SNX19: variants seen among roughly 807,000 people sequenced by gnomAD.
SNX19 encodes the protein sorting nexin-19.
SNX19 carries 60 observed loss-of-function variants against 85.2 expected under a neutral mutation model. The ratio of observed to expected loss-of-function variants is 0.70; its 90% CI spans 0.57 to 0.87. SNX19 has a LOEUF of 0.87. Among genes scored for constraint, SNX19 ranks in the 40% least tolerant of loss-of-function variants. The probability of loss-of-function intolerance (pLI) is 0.00; values close to 1 mark genes in which losing one functional copy is unlikely to be tolerated. For missense variants in SNX19, 1,201 were observed against 1,217.8 expected, an observed-to-expected ratio of 0.99 and a Z score of 0.21; for synonymous variants, 520 against 470.0, an observed-to-expected ratio of 1.11 and a Z score of -1.38.
chr11:130,915,651 G>A lies in SNX19; in HGVS notation c.289C>T (p.Gln97Ter), dbSNP rs759409436. Reference sequence around the variant, plus strand: ...GTGCGGTTGATCTCCCGTTCCAGCTGCCTTTCTGCCTCAGGGCATGGAGGA... The same window carrying A: ...GTGCGGTTGATCTCCCGTTCCAGCTACCTTTCTGCCTCAGGGCATGGAGGA... The part of the protein sequence containing the change: ...TCPPCPEAER[Q>*]LEREINRTIQ... Residue 97 changes from glutamine (Q) to a stop codon, truncating the protein, a stop_gained, in exon 1 of 11, where the codon CAG (glutamine) becomes TAG (stop). Coordinates refer to ENST00000265909, the MANE Select transcript of SNX19 (RefSeq NM_014758.3). LOFTEE classifies it high-confidence loss of function. The A allele has an allele frequency of 1.2e-6, 2 of 1,614,276 alleles. No homozygotes were observed. Among genetic ancestry groups the A allele is most frequent in the Non-Finnish European group, 1.7e-6 (2 of 1,180,046 alleles).
In SNX19 at chr11:130,878,569, C is replaced by A; in HGVS notation, c.2847-15G>T. Reference sequence around the variant, plus strand: ...AAATCAAATGCCTGAAACGAATGGACAAAAAACTTAGGGTCTGGCTCAATC... The same window carrying A: ...AAATCAAATGCCTGAAACGAATGGAAAAAAAACTTAGGGTCTGGCTCAATC... On this transcript the variant is annotated splice_polypyrimidine_tract_variant and intron_variant, in intron 10 of 10. Transcript: ENST00000265909. The A allele has an allele frequency of 6.2e-7, 1 of 1,609,818 alleles. No individual in the cohort carries two copies. Among genetic ancestry groups the A allele is most frequent in the Admixed American group, 1.7e-5 (1 of 59,372 alleles).
At chr11:130,909,181 G>A (rs748672752) in intron 4 of SNX19, among the ~76,000 whole-genome samples, 13 of 152,134 alleles carry the variant, frequency 8.5e-5, no homozygotes, top group Non-Finnish European at 1.5e-4. Context: ...CTGAAAACAG[G>A]CATCCAGTAA....
At chr11:130,903,622 TTC>T (rs1945416968) in intron 7 of SNX19, among the ~76,000 whole-genome samples, 1 of 151,724 alleles carries the variant, frequency 6.6e-6, no homozygotes, top group Non-Finnish European at 1.5e-5. Context: ...TAATAAATGT[TTC>T]TATGTTTTTA....
intron 10 of SNX19, among the ~76,000 whole-genome samples, 167 bp downstream of exon 10, chr11:130,879,457 A>ATC (rs1491137818): frequency 4.1e-5 from 1 of 24,278 alleles, no homozygotes; most frequent in Non-Finnish European, 6.9e-5. Context: ...GATTTTACTT[A>ATC]GAGTGTGTGG....
intron 8 of SNX19, among the ~76,000 whole-genome samples, chr11:130,894,179 G>A (rs1406173561): frequency 6.6e-6 from 1 of 152,092 alleles, no homozygotes; most frequent in Non-Finnish European, 1.5e-5. Context: ...CTGAATATAG[G>A]TCCAAGTAGT....
chr11:130,910,741 G>A (rs1175602303), intron 2 of SNX19, among the ~76,000 whole-genome samples: 1 of 152,198 alleles, frequency 6.6e-6, no homozygotes, highest in East Asian at 1.9e-4. Context: ...GTGCTTAGGA[G>A]AGAACCTGGC....
In SNX19 at chr11:130,877,885, T is replaced by G. The variant is rs1043838265; in HGVS notation, c.*537A>C. 2.6e-5 allele frequency: 4 copies of G among 152,500 alleles called. No homozygotes were observed. The highest frequency in any genetic ancestry group is 3.9e-4 in the East Asian group (2 of 5,154). 9.4% of individuals were successfully genotyped at this position (152,500 alleles called of 1,614,324 possible). ...AAAAATTTTCTTCCCTCCTTCTTCT[T>G]CTGGAACTGTTGGGAAACTAGATTA... is the stretch of plus-strand genomic sequence containing the variant. On this transcript the variant is annotated 3_prime_UTR_variant, in exon 11 of 11. Coordinates refer to ENST00000265909, the MANE Select transcript of SNX19 (RefSeq NM_014758.3).
At chr11:130,907,844 G>A in intron 5 of SNX19, 109 bp downstream of exon 5, 1 of 1,515,000 alleles carries the variant, frequency 6.6e-7, no homozygotes, top group Non-Finnish European at 8.9e-7. Context: ...TGGTATGTCT[G>A]ACCCACCTCC....
intron 8 of SNX19, among the ~76,000 whole-genome samples, chr11:130,891,786 C>G (rs758460936): frequency 3.3e-5 from 5 of 150,954 alleles, no homozygotes; most frequent in Non-Finnish European, 7.4e-5. Flanking sequence ...AGGGAAAGCT[C>G]TAACAATTTC....
chr11:130,900,852 A>C (rs1945213532), intron 8 of SNX19, among the ~76,000 whole-genome samples: 1 of 152,194 alleles, frequency 6.6e-6, no homozygotes, highest in South Asian at 2.1e-4. Context: ...ATGAAGGCCT[A>C]ATTAGTGACA....
At chr11:130,887,182 CACAA>C (rs1198912669) in intron 8 of SNX19, among the ~76,000 whole-genome samples, 3 of 152,024 alleles carry the variant, frequency 2.0e-5, no homozygotes, top group Admixed American at 6.6e-5. Flanking sequence ...TATATCTAGC[CACAA>C]ACAGTTTTTG....
intron 7 of SNX19, among the ~76,000 whole-genome samples, chr11:130,903,710 TACACATAC>T (rs1476583125): frequency 4.0e-5 from 4 of 98,986 alleles, no homozygotes; most frequent in Admixed American, 4.0e-4. Flanking sequence ...TATATATATA[TACACATAC>T]ACACACACAC....
At position 130,903,389 on chromosome 11, in the gene SNX19, G is replaced by A. The variant is rs1356564482; in HGVS notation, c.2444-5C>T. 6.2e-7 allele frequency: 1 copy of A among 1,611,624 alleles called. No homozygotes were observed. Among genetic ancestry groups the A allele is most frequent in the African/African-American group, 1.3e-5 (1 of 74,804 alleles). On this transcript the variant is annotated splice_region_variant and splice_polypyrimidine_tract_variant and intron_variant, in intron 7 of 10. Transcript: ENST00000265909. ...CAGCTAACTCTGTCTCTGTTCCTGA[G>A]GGATAAAATGGCATCAGGAGTAACT...
At chr11:130,892,249 T>A (rs1944552689) in intron 8 of SNX19, among the ~76,000 whole-genome samples, 1 of 151,282 alleles carries the variant, frequency 6.6e-6, no homozygotes, top group African/African-American at 2.4e-5. Context: ...ATAATCCAGT[T>A]CTGAGAAAAT....
At chr11:130,879,500 G>C (rs974289718) in intron 10 of SNX19, 124 bp downstream of exon 10, 2 of 780,218 alleles carry the variant, frequency 2.6e-6, no homozygotes. Flanking sequence ...TCAGTGCCCA[G>C]AGCAAGTAAA....
intron 8 of SNX19, among the ~76,000 whole-genome samples, chr11:130,888,043 C>A (rs562604794): frequency 2.0e-5 from 3 of 151,698 alleles, no homozygotes; most frequent in Non-Finnish European, 2.9e-5. Flanking sequence ...GTCAAAAGCA[C>A]TGACTCATAT....
chr11:130,903,263 T>C lies in SNX19; in HGVS notation c.2565A>G (p.Leu855=), dbSNP rs776129524. The change falls in exon 8 of 11, where the codon CTA becomes CTG. Residue 855 remains leucine (L), a synonymous_variant. Coordinates refer to ENST00000265909, the MANE Select transcript of SNX19 (RefSeq NM_014758.3). ...QKFLRLIFGT[L]VQRWLEVQVA... ...GAATTCAGCAGTCTTACCTTTGAAC[T>C]AGGGTCCCAAAGATAAGACGAAGAA... 39 of 1,613,742 alleles carry C rather than the reference T, an allele frequency of 2.4e-5. No individual in the cohort carries two copies. In the South Asian group the frequency reaches 3.8e-4, roughly 16 times the overall value.
intron 10 of SNX19, among the ~76,000 whole-genome samples, chr11:130,878,839 C>T (rs1425153061): frequency 6.6e-6 from 1 of 152,204 alleles, no homozygotes; most frequent in East Asian, 1.9e-4. Context: ...ACTGTGATAA[C>T]AAATCCTTGA....
rs1943190832 is a variant in SNX19, at chr11:130,875,400, C to T, written c.*3022G>A. 6.6e-6 allele frequency: 1 copy of T among 152,206 alleles called. No individual in the cohort carries two copies. The highest frequency in any genetic ancestry group is 3.4e-3 in the Middle Eastern group (1 of 294). 9.4% of individuals were successfully genotyped at this position (152,206 alleles called of 1,614,324 possible). On this transcript the variant is annotated 3_prime_UTR_variant, in exon 11 of 11. Transcript: ENST00000265909. ...CAATGGGTATAAACTTTTGGTTATGCAAGATGAAAAACTTGTAGCAGTCTG... is the reference window on the plus strand; with the variant it reads ...CAATGGGTATAAACTTTTGGTTATGTAAGATGAAAAACTTGTAGCAGTCTG...
Sources: allele counts gnomAD v4.1 joint callset (sites outside exome capture counted in the v4.1 genomes callset), GRCh38; gene constraint gnomAD v4.1.1; transcripts MANE v1.5; gene names NCBI Gene and HGNC (gene_info 2026-07-23, HGNC 2026-07-21).